NAA15: variants seen among roughly 807,000 people sequenced by gnomAD.
NAA15 encodes N-alpha-acetyltransferase 15, NatA auxiliary subunit, also known as N-terminal acetyltransferase.
Under a neutral mutation model 114.0 loss-of-function variants are expected in NAA15, and 34 were observed. The observed-to-expected ratio is 0.30, with a 90% CI of 0.23 to 0.40. The LOEUF (loss-of-function observed/expected upper bound fraction) is 0.40, where lower values mean the gene tolerates loss of function less well. Ranked by LOEUF, NAA15 falls within the 10% of genes least tolerant of loss-of-function variation. NAA15 has a pLI of 1.00. For synonymous variants in NAA15, 340 were observed against 338.0 expected (o/e 1.01, Z -0.06); for missense variants, 658 against 1,004.5 (o/e 0.66, Z 4.66).
chr4:139,326,305 C>T (rs532971048), intron 1 of NAA15, among the ~76,000 whole-genome samples: 10 of 151,970 alleles, frequency 6.6e-5, no homozygotes, highest in Non-Finnish European at 1.2e-4. Context: ...TCAGTTATCT[C>T]GTGTAAAATG....
rs542051557 is a variant in NAA15 at position 139,310,408 on chromosome 4, C to T, written c.54+8577C>T. Among the ~76,000 whole-genome samples, 105 of 149,154 alleles carry T rather than the reference C, an allele frequency of 7.0e-4. 2 individuals carry two copies. Among genetic ancestry groups the T allele is most frequent in the African/African-American group, 2.3e-3 (95 of 40,534 alleles). ...GGCGGAGCTTGCAGTGAGCCGAGAT[C>T]CCGCCACTGCACTCCAGCCTGGGCG... On this transcript the variant is annotated intron_variant, in intron 1 of 19. Coordinates refer to ENST00000296543, the MANE Select transcript of NAA15 (RefSeq NM_057175.5).
intron 16 of NAA15, among the ~76,000 whole-genome samples, chr4:139,377,279 G>A (rs1748606751): frequency 1.3e-5 from 2 of 152,182 alleles, no homozygotes; most frequent in African/African-American, 4.8e-5. Context: ...GCTCATGACT[G>A]TAATCCCAGC....
chr4:139,310,779 T>G (rs1412901397), intron 1 of NAA15, among the ~76,000 whole-genome samples: 1 of 151,634 alleles, frequency 6.6e-6, no homozygotes, highest in Non-Finnish European at 1.5e-5. Flanking sequence ...CTACCACACC[T>G]GGCTAATTTT....
intron 11 of NAA15, among the ~76,000 whole-genome samples, chr4:139,358,717 A>G (rs947973896): frequency 1.3e-5 from 2 of 152,208 alleles, no homozygotes; most frequent in African/African-American, 2.4e-5. Flanking sequence ...AATGAGGAAC[A>G]TTGGGGAATG....
rs751688160 is a variant in NAA15, at chr4:139,341,593, C to CAAAAAA, written c.402+545_402+550dup. 5.5e-3 allele frequency among the ~76,000 whole-genome samples: 79 copies of CAAAAAA among 14,426 alleles called. 12 individuals carry two copies. Among genetic ancestry groups the CAAAAAA allele is most frequent in the East Asian group, 0.034 (14 of 408 alleles). The allele number at this position is 14,426 out of a possible 152,430, so 9.5% of individuals were successfully genotyped here. On this transcript the variant is annotated intron_variant, in intron 4 of 19. Transcript: ENST00000296543. ...TGGGTAACAGAGCGAAACTCTGTCT[C>CAAAAAA]AAAAAAAAAAAAAAAAAAAAAAAAA...
intron 13 of NAA15, 145 bp downstream of exon 13, chr4:139,360,773 T>C: frequency 1.5e-6 from 1 of 668,844 alleles, no homozygotes; most frequent in Non-Finnish European, 2.2e-6. Flanking sequence ...GTTTTCATAC[T>C]GGAAATATAG....
chr4:139,311,222 C>T (rs1165010004), intron 1 of NAA15, among the ~76,000 whole-genome samples: 4 of 151,882 alleles, frequency 2.6e-5, no homozygotes, highest in East Asian at 3.9e-4. Flanking sequence ...ATGTTTATCA[C>T]GTTTTCCACA....
At chr4:139,353,964 T>G (rs1418811999) in intron 9 of NAA15, 62 bp from the exon 10 acceptor site, 6 of 1,290,970 alleles carry the variant, frequency 4.6e-6, no homozygotes, top group Non-Finnish European at 6.7e-6. Flanking sequence ...TAACACATTT[T>G]GCATAAGAAT....
intron 3 of NAA15, among the ~76,000 whole-genome samples, chr4:139,339,039 G>A (rs1747293419): frequency 6.6e-6 from 1 of 152,008 alleles, no homozygotes; most frequent in African/African-American, 2.4e-5. Context: ...TCGAACTCGT[G>A]ACTTGAAGTG....
chr4:139,364,325 T>C (rs931965576), intron 14 of NAA15, among the ~76,000 whole-genome samples: 13 of 152,242 alleles, frequency 8.5e-5, no homozygotes, highest in Admixed American at 5.9e-4. Context: ...TTAGAAAGGC[T>C]TTTTCTACTT....
At chr4:139,369,566 C>T (rs1349067213) in intron 14 of NAA15, among the ~76,000 whole-genome samples, 1 of 151,874 alleles carries the variant, frequency 6.6e-6, no homozygotes, top group Admixed American at 6.6e-5. Flanking sequence ...GGTGAAACCC[C>T]GTCTCTACTA....
chr4:139,374,934 G>T (rs1748542118), intron 15 of NAA15, among the ~76,000 whole-genome samples: 1 of 152,144 alleles, frequency 6.6e-6, no homozygotes, highest in Admixed American at 6.5e-5. Context: ...TACTTGTATT[G>T]ATTTACCTGC....
intron 17 of NAA15, among the ~76,000 whole-genome samples, chr4:139,381,395 T>G (rs1205514099): frequency 6.6e-6 from 1 of 152,100 alleles, no homozygotes; most frequent in Non-Finnish European, 1.5e-5. Flanking sequence ...TAGCACTATT[T>G]GGCTGCCTTG....
intron 3 of NAA15, among the ~76,000 whole-genome samples, chr4:139,337,774 A>G (rs1409937372): frequency 6.6e-6 from 1 of 152,190 alleles, no homozygotes. Flanking sequence ...AAGATAACAG[A>G]TTTTGCTCTC....
chr4:139,351,694 C>A, intron 9 of NAA15, 83 bp downstream of exon 9: 1 of 704,134 alleles, frequency 1.4e-6, no homozygotes, highest in African/African-American at 1.8e-5. Context: ...TATCTCTGCA[C>A]AGTAGTACGT....
intron 6 of NAA15, among the ~76,000 whole-genome samples, chr4:139,348,527 C>T (rs150336344): frequency 6.6e-4 from 100 of 150,576 alleles, no homozygotes; most frequent in African/African-American, 2.2e-3. Flanking sequence ...CAAATGAGAG[C>T]GAAAGATATA....
chr4:139,378,847 T>G lies in NAA15; in HGVS notation c.2148T>G (p.Phe716Leu). The change falls in exon 17 of 20, where the codon TTT (phenylalanine) becomes TTG (leucine). Residue 716 changes from phenylalanine to leucine, a missense_variant. Around this residue, in one of 6 missense-constraint regions of NAA15, gnomAD observed 275 missense variants for 371.1 expected, o/e 0.74. Coordinates refer to ENST00000296543, the MANE Select transcript of NAA15 (RefSeq NM_057175.5). The stretch of plus-strand genomic sequence containing the variant: ...TTCATGAGTGTATGATTCGTCTCTT[T>G]AATACTGGTATGTTTTTGTTTTCCA... The part of the protein sequence containing the change: ...PWLHECMIRL[F>L]NTAVCESKDL... 1 of 1,547,602 alleles carries G rather than the reference T, an allele frequency of 6.5e-7. No individual in the cohort carries two copies. The highest frequency in any genetic ancestry group is 8.7e-7 in the Non-Finnish European group (1 of 1,153,798).
chr4:139,302,475 T>G (rs972165450), intron 1 of NAA15: 2 of 152,248 alleles, frequency 1.3e-5, no homozygotes, highest in African/African-American at 4.8e-5. Flanking sequence ...TGTTCTCGTT[T>G]CTGGAGTAGG....
In NAA15 at chr4:139,357,562, A is replaced by C; in HGVS notation, c.1257+7A>C. ...GAAAGCTAAAATCTATAAGGTAAAA[A>C]TCTTTTTTTCTATTTTCTTATAAGG... On this transcript the variant is annotated splice_region_variant and intron_variant, in intron 11 of 19. Coordinates refer to ENST00000296543, the MANE Select transcript of NAA15 (RefSeq NM_057175.5). 1 of 1,566,872 alleles carries C rather than the reference A, an allele frequency of 6.4e-7. No individual in the cohort carries two copies. The highest frequency in any genetic ancestry group is 8.7e-7 in the Non-Finnish European group (1 of 1,146,792).
Sources: gnomAD v4.1 joint callset for allele counts (sites outside exome capture counted in the v4.1 genomes callset) on GRCh38, gnomAD v4.1.1 for gene constraint, gnomAD v4.1.1 regional missense constraint, MANE v1.5 for transcripts, NCBI Gene and HGNC (gene_info 2026-07-23, HGNC 2026-07-21) for gene names.